The following EML6 variants were observed in gnomAD, a reference collection of about 807,000 sequenced individuals.
The protein encoded by EML6 is echinoderm microtubule-associated protein-like 6.
Under a neutral mutation model 240.1 loss-of-function variants are expected in EML6, and 154 were observed. The observed-to-expected ratio is 0.64, with a 90% CI of 0.56 to 0.73. The LOEUF is 0.73. EML6 is among the 30% of genes least tolerant of loss of function. The probability of loss-of-function intolerance (pLI) is 0.00; values close to 1 mark genes in which losing one functional copy is unlikely to be tolerated. For synonymous variants in EML6, 1,148 were observed against 899.0 expected (o/e 1.28, Z -4.95); for missense variants, 2,964 against 2,474.6 (o/e 1.20, Z -4.20).
At chr2:54,739,077 A>G (rs1245800289) in intron 2 of EML6, among the ~76,000 whole-genome samples, 1 of 152,246 alleles carries the variant, frequency 6.6e-6, no homozygotes, top group Non-Finnish European at 1.5e-5. Flanking sequence ...TACTTCCACC[A>G]TCACAGAATA....
At chr2:54,855,414 A>G (rs982916188) in intron 11 of EML6, among the ~76,000 whole-genome samples, 2 of 151,846 alleles carry the variant, frequency 1.3e-5, no homozygotes, top group African/African-American at 4.8e-5. Context: ...ATGCTAACCT[A>G]TTCATGAGAA....
chr2:54,882,179 C>T (rs1007531238), intron 17 of EML6: 1 of 151,972 alleles, frequency 6.6e-6, no homozygotes, highest in Non-Finnish European at 1.5e-5. Flanking sequence ...CTCTGTGAGA[C>T]GATCCGATCT....
At chr2:54,768,077 C>T (rs1429180717) in intron 2 of EML6, among the ~76,000 whole-genome samples, 1 of 152,112 alleles carries the variant, frequency 6.6e-6, no homozygotes, top group Non-Finnish European at 1.5e-5. Flanking sequence ...TGAAAGGGAA[C>T]ATTGTAGATG....
intron 8 of EML6, 31 bp from the exon 9 acceptor site, chr2:54,847,455 T>C: frequency 1.9e-6 from 3 of 1,544,264 alleles, no homozygotes; most frequent in Non-Finnish European, 2.6e-6. Flanking sequence ...AAGTTGGTTT[T>C]GTTTTGTTTT....
Position 54,866,962 on chromosome 2 carries a change from A to G in EML6, c.2051+78A>G, listed in dbSNP as rs1443658065. ...GTCACCAACCTTAGCACCAGGCTTA[A>G]GGGATCCCCTCCCCTCAGTGTCGTC... On this transcript the variant is annotated intron_variant, in intron 14 of 41. Transcript: ENST00000356458. The G allele has an allele frequency of 3.8e-6, 3 of 784,094 alleles. No individual in the cohort carries two copies. In the African/African-American group the frequency reaches 5.2e-5, roughly 14 times the overall value. The allele number at this position is 784,094 out of a possible 1,614,324, so 48.6% of individuals were successfully genotyped here. A position where few individuals can be genotyped will look rare whatever the true frequency, so the allele number is the denominator to read the frequency against.
intron 2 of EML6, among the ~76,000 whole-genome samples, chr2:54,802,076 G>C (rs1258111599): frequency 6.6e-6 from 1 of 152,070 alleles, no homozygotes; most frequent in African/African-American, 2.4e-5. Flanking sequence ...ATTTATAAAA[G>C]TGTCCATTAT....
intron 21 of EML6, among the ~76,000 whole-genome samples, chr2:54,899,069 G>C (rs540946719): frequency 6.6e-6 from 1 of 152,152 alleles, no homozygotes; most frequent in Non-Finnish European, 1.5e-5. Context: ...CAGAACCTGG[G>C]CTACACCGAG....
Position 54,957,736 on chromosome 2 carries a change from C to T in EML6, c.4487-54C>T, listed in dbSNP as rs1011502424. 1.6e-5 allele frequency: 24 copies of T among 1,515,070 alleles called. No homozygotes were observed. In the African/African-American group the frequency reaches 1.7e-4, roughly 10 times the overall value. The allele number at this position is 1,515,070 out of a possible 1,614,324, so 93.9% of individuals were successfully genotyped here. A position where few individuals can be genotyped will look rare whatever the true frequency, so the allele number is the denominator to read the frequency against. Reference sequence around the variant, plus strand: ...GAGACCTCCTGGGCTGCGGCTCCCCCGGCCTGGCCCATGAAGCAATGAGGA... The same window carrying T: ...GAGACCTCCTGGGCTGCGGCTCCCCTGGCCTGGCCCATGAAGCAATGAGGA... On this transcript the variant is annotated intron_variant, in intron 32 of 41. Transcript: ENST00000356458.
Position 54,970,952 on chromosome 2 carries a change from T to C in EML6, c.*857T>C, listed in dbSNP as rs1676964566. On this transcript the variant is annotated 3_prime_UTR_variant, in exon 42 of 42. Transcript: ENST00000356458. ...TGTGTTTCATGCCAAACCCACAAAATCCAAAATAGAATTCAAGTTAAACAA... is the reference window on the plus strand; with the variant it reads ...TGTGTTTCATGCCAAACCCACAAAACCCAAAATAGAATTCAAGTTAAACAA... The C allele has an allele frequency of 1.3e-5, 2 of 152,198 alleles. No homozygotes were observed. Among genetic ancestry groups the C allele is most frequent in the Non-Finnish European group, 2.9e-5 (2 of 68,016 alleles). The allele number at this position is 152,198 out of a possible 1,614,324, so 9.4% of individuals were successfully genotyped here.
chr2:54,922,537 T>C (rs1173983212), intron 26 of EML6, among the ~76,000 whole-genome samples: 1 of 152,180 alleles, frequency 6.6e-6, no homozygotes, highest in East Asian at 1.9e-4. Flanking sequence ...ATCCCACTTC[T>C]GGGTATATAT....
intron 2 of EML6, among the ~76,000 whole-genome samples, chr2:54,766,066 A>G (rs2103781410): frequency 6.6e-6 from 1 of 151,734 alleles, no homozygotes. Flanking sequence ...CTTTTCCTTC[A>G]TCTATCCACA....
chr2:54,820,904 G>A (rs1251272985), intron 5 of EML6, among the ~76,000 whole-genome samples: 2 of 152,146 alleles, frequency 1.3e-5, no homozygotes, highest in Non-Finnish European at 2.9e-5. Flanking sequence ...GGAATTCACA[G>A]TACAAACCTA....
intron 10 of EML6, among the ~76,000 whole-genome samples, chr2:54,853,266 C>G (rs1397081938): frequency 3.9e-5 from 6 of 152,094 alleles, no homozygotes; most frequent in Non-Finnish European, 8.8e-5. Context: ...CCATCTGTAT[C>G]AAGGTAATTA....
At chr2:54,906,074 C>G (rs979959986) in intron 24 of EML6, among the ~76,000 whole-genome samples, 2 of 152,162 alleles carry the variant, frequency 1.3e-5, no homozygotes, top group East Asian at 1.9e-4. Context: ...TATGGTAGTT[C>G]TATTTTTAAC....
chr2:54,728,210 A>G (rs901638558), intron 2 of EML6, among the ~76,000 whole-genome samples: 2 of 152,254 alleles, frequency 1.3e-5, no homozygotes, highest in African/African-American at 4.8e-5. Flanking sequence ...CTTGATACCA[A>G]GGACAGTAAT....
At chr2:54,944,178 C>G (rs1675566982) in intron 28 of EML6, among the ~76,000 whole-genome samples, 1 of 152,166 alleles carries the variant, frequency 6.6e-6, no homozygotes, top group African/African-American at 2.4e-5. Flanking sequence ...GGTCATGTCA[C>G]TGACTCCCAT....
At chr2:54,920,722 G>A (rs1674200920) in intron 26 of EML6, among the ~76,000 whole-genome samples, 2 of 152,056 alleles carry the variant, frequency 1.3e-5, no homozygotes, top group Non-Finnish European at 2.9e-5. Context: ...AAAACTACAG[G>A]CCAATATGCC....
intron 3 of EML6, among the ~76,000 whole-genome samples, chr2:54,814,177 C>T (rs112119145): frequency 6.6e-5 from 10 of 152,088 alleles, no homozygotes; most frequent in African/African-American, 1.7e-4. Flanking sequence ...TCCGTTGTGC[C>T]CTCATAGTCG....
chr2:54,899,647 A>G lies in EML6; in HGVS notation c.2989A>G (p.Met997Val), dbSNP rs1243242315. 3 of 1,553,298 alleles carry G rather than the reference A, an allele frequency of 1.9e-6. 1 individual carries two copies. Among genetic ancestry groups the G allele is most frequent in the South Asian group, 2.4e-5 (2 of 84,134 alleles). The change falls in exon 22 of 42, where the codon ATG (methionine) becomes GTG (valine). Residue 997 changes from methionine to valine, a missense_variant. Coordinates refer to ENST00000356458, the MANE Select transcript of EML6 (RefSeq NM_001039753.4). ...GPMTLLVQGH[M>V]EGEVWGLAAH... ...CCCTTTTCCTCTCCCACAGGGGCAC[A>G]TGGAAGGAGAAGTGTGGGGGTTGGC...
Sources: gnomAD v4.1 joint callset for allele counts (sites outside exome capture counted in the v4.1 genomes callset) on GRCh38, gnomAD v4.1.1 for gene constraint, MANE v1.5 for transcripts, NCBI Gene and HGNC (gene_info 2026-07-23, HGNC 2026-07-21) for gene names.